Variants in NRG3 observed in about 807,000 individuals in gnomAD.
NRG3 encodes pro-neuregulin-3, membrane-bound isoform.
Under a neutral mutation model 66.9 loss-of-function variants are expected in NRG3, and 31 were observed. The ratio of observed to expected loss-of-function variants is 0.46; its 90% CI spans 0.35 to 0.63. NRG3 has a LOEUF of 0.63. Ranked by LOEUF, NRG3 falls within the 20% of genes least tolerant of loss-of-function variation. The probability of loss-of-function intolerance (pLI) is 0.00; values close to 1 mark genes in which losing one functional copy is unlikely to be tolerated. For missense variants in NRG3, 910 were observed against 878.9 expected (o/e 1.04, Z -0.45); for synonymous variants, 393 against 359.4 (o/e 1.09, Z -1.06).
At chr10:82,336,083 G>C (rs900648135) in intron 1 of NRG3, among the ~76,000 whole-genome samples, 7 of 152,168 alleles carry the variant, frequency 4.6e-5, no homozygotes, top group Admixed American at 2.6e-4. Flanking sequence ...ACATGTGGCA[G>C]ACCAGATTTG....
At chr10:82,117,359 G>A (rs1291964770) in intron 1 of NRG3, among the ~76,000 whole-genome samples, 1 of 151,936 alleles carries the variant, frequency 6.6e-6, no homozygotes, top group African/African-American at 2.4e-5. Context: ...CTCTCTATGG[G>A]GATAAATTAA....
chr10:82,698,863 C>T (rs2055611366), intron 2 of NRG3, among the ~76,000 whole-genome samples: 1 of 152,178 alleles, frequency 6.6e-6, no homozygotes, highest in Non-Finnish European at 1.5e-5. Context: ...ATGCTTAACA[C>T]TCAAACTTAT....
intron 2 of NRG3, among the ~76,000 whole-genome samples, chr10:82,702,222 A>C (rs1364644266): frequency 6.6e-6 from 1 of 152,204 alleles, no homozygotes; most frequent in South Asian, 2.1e-4. Context: ...CTTGTCACAC[A>C]CTGACTATAA....
intron 1 of NRG3, among the ~76,000 whole-genome samples, chr10:81,919,981 A>G (rs1189840432): frequency 6.6e-6 from 1 of 152,174 alleles, no homozygotes; most frequent in Non-Finnish European, 1.5e-5. Context: ...AGATACACTA[A>G]TATACGAAAA....
In NRG3 at chr10:81,967,516, G is replaced by A. The variant is rs1025612999; in HGVS notation, c.823+91353G>A. On this transcript the variant is annotated intron_variant, in intron 1 of 8. Coordinates refer to ENST00000372141, the MANE Select transcript of NRG3 (RefSeq NM_001010848.4). ...TTTTCATTGTGGTGGGTGAAAAGTCGTATGCATATTAGATCAAATTATTAA... is the reference window on the plus strand; with the variant it reads ...TTTTCATTGTGGTGGGTGAAAAGTCATATGCATATTAGATCAAATTATTAA... Among the ~76,000 whole-genome samples the A allele has an allele frequency of 4.6e-5, 7 of 152,006 alleles. No homozygotes were observed. The South Asian group carries it at 8.3e-4, about 18-fold the overall frequency.
chr10:81,894,873 A>G (rs758552254), intron 1 of NRG3, among the ~76,000 whole-genome samples: 2 of 152,178 alleles, frequency 1.3e-5, no homozygotes, highest in Admixed American at 1.3e-4. Flanking sequence ...CCACAAGTCT[A>G]CTGCTGTTCC....
At chr10:82,229,493 C>A (rs2133865278) in intron 1 of NRG3, among the ~76,000 whole-genome samples, 1 of 152,230 alleles carries the variant, frequency 6.6e-6, no homozygotes, top group Non-Finnish European at 1.5e-5. Flanking sequence ...TCTCATGCTG[C>A]TATAAAGAAC....
intron 2 of NRG3, among the ~76,000 whole-genome samples, chr10:82,720,909 T>G (rs1248930409): frequency 6.8e-6 from 1 of 147,394 alleles, no homozygotes; most frequent in Non-Finnish European, 1.5e-5. Context: ...ATGTATTTAT[T>G]GAGTTCAAGT....
intron 1 of NRG3, among the ~76,000 whole-genome samples, chr10:82,006,494 T>C (rs2061381328): frequency 6.6e-6 from 1 of 152,152 alleles, no homozygotes; most frequent in African/African-American, 2.4e-5. Context: ...TTTATGCTTT[T>C]TTCTTTTCTG....
At chr10:81,883,491 G>A (rs1046323995) in intron 1 of NRG3, among the ~76,000 whole-genome samples, 1 of 152,120 alleles carries the variant, frequency 6.6e-6, no homozygotes, top group Non-Finnish European at 1.5e-5. Flanking sequence ...AAGTTTAGCA[G>A]CTTCCAGTGC....
chr10:82,178,125 A>G (rs2073168750), intron 1 of NRG3, among the ~76,000 whole-genome samples: 1 of 152,190 alleles, frequency 6.6e-6, no homozygotes, highest in African/African-American at 2.4e-5. Flanking sequence ...AAATAAAACC[A>G]ATGTATTATA....
intron 1 of NRG3, among the ~76,000 whole-genome samples, chr10:82,203,679 C>T (rs772462563): frequency 4.6e-5 from 7 of 151,856 alleles, no homozygotes; most frequent in African/African-American, 7.3e-5. Flanking sequence ...AATTAATGGC[C>T]GAATATGAAT....
chr10:82,233,927 A>C (rs1372426208), intron 1 of NRG3, among the ~76,000 whole-genome samples: 14 of 152,110 alleles, frequency 9.2e-5, no homozygotes, highest in Non-Finnish European at 2.1e-4. Flanking sequence ...CACTGCCACT[A>C]TCACCCTGCA....
At position 82,755,544 on chromosome 10, in the gene NRG3, G is replaced by T. The variant is rs111904723; in HGVS notation, c.1027+16894G>T. Among the ~76,000 whole-genome samples, 1,211 of 152,172 alleles carry T rather than the reference G, an allele frequency of 8.0e-3. 9 individuals carry two copies. Among genetic ancestry groups the T allele is most frequent in the African/African-American group, 0.027 (1,133 of 41,536 alleles). ...AGCTTAGGCCATAGCTTCACTTCAG[G>T]CTGCAGCAGAATAAGGGAAGGGAAG... On this transcript the variant is annotated intron_variant, in intron 3 of 8. Coordinates refer to ENST00000372141, the MANE Select transcript of NRG3 (RefSeq NM_001010848.4).
intron 1 of NRG3, among the ~76,000 whole-genome samples, chr10:82,316,395 C>A (rs1472028506): frequency 6.6e-6 from 1 of 152,122 alleles, no homozygotes; most frequent in Non-Finnish European, 1.5e-5. Context: ...TACTTTAAAG[C>A]CAGTCCTGTT....
chr10:82,030,802 G>C (rs149080942), intron 1 of NRG3, among the ~76,000 whole-genome samples: 424 of 151,928 alleles, frequency 2.8e-3, no homozygotes, highest in African/African-American at 9.4e-3. Flanking sequence ...GCAAAAAATA[G>C]GTTGTGCAAG....
At chr10:82,743,163 C>A (rs572913226) in intron 3 of NRG3, among the ~76,000 whole-genome samples, 10 of 152,278 alleles carry the variant, frequency 6.6e-5, no homozygotes, top group African/African-American at 2.2e-4. Context: ...GCTGTGATGG[C>A]AGGCTTGAGT....
intron 2 of NRG3, among the ~76,000 whole-genome samples, chr10:82,633,745 C>A (rs546185488): frequency 6.6e-6 from 1 of 152,176 alleles, no homozygotes; most frequent in East Asian, 1.9e-4. Flanking sequence ...GAGGCTGTAG[C>A]CAAGTTTGGG....
At chr10:82,029,405 G>A (rs1318463689) in intron 1 of NRG3, among the ~76,000 whole-genome samples, 1 of 152,060 alleles carries the variant, frequency 6.6e-6, no homozygotes, top group Non-Finnish European at 1.5e-5. Flanking sequence ...TTGGCATGTA[G>A]TAAGGGATTA....
Sources: gnomAD v4.1 joint callset for allele counts (sites outside exome capture counted in the v4.1 genomes callset) on GRCh38, gnomAD v4.1.1 for gene constraint, MANE v1.5 for transcripts, NCBI Gene and HGNC (gene_info 2026-07-23, HGNC 2026-07-21) for gene names.